Variants in RGS12 observed in about 807,000 individuals in gnomAD.
The protein encoded by RGS12 is regulator of G protein signaling 12.
Under a neutral mutation model 120.1 loss-of-function variants are expected in RGS12, and 66 were observed. The ratio of observed to expected loss-of-function variants is 0.55; its 90% CI spans 0.45 to 0.67. The LOEUF is 0.67. Among genes scored for constraint, RGS12 ranks in the 30% least tolerant of loss-of-function variants. RGS12 has a pLI of 0.00. For missense variants in RGS12, 1,859 were observed against 1,957.7 expected, an observed-to-expected ratio of 0.95 and a Z score of 0.95; for synonymous variants, 827 against 804.7, an observed-to-expected ratio of 1.03 and a Z score of -0.47.
intron 1 of RGS12, among the ~76,000 whole-genome samples, chr4:3,309,139 G>T (rs1309684279): frequency 1.4e-5 from 1 of 73,048 alleles, no homozygotes; most frequent in Non-Finnish European, 2.7e-5. Context: ...CTCGGGAATG[G>T]CAGGTGTCTG....
In RGS12 at chr4:3,340,756, G is replaced by T. The variant is rs77485138; in HGVS notation, c.1882-2181G>T. On this transcript the variant is annotated intron_variant, in intron 2 of 17. Coordinates refer to ENST00000336727, the MANE Select transcript of RGS12 (RefSeq NM_001394154.1). Reference sequence around the variant, plus strand: ...AGCCCCATGGGAGCAGCAGGCAGGTGCAGGCAGGTGCAGGCCGGTGCAGGC... The same window carrying T: ...AGCCCCATGGGAGCAGCAGGCAGGTTCAGGCAGGTGCAGGCCGGTGCAGGC... Among the ~76,000 whole-genome samples the T allele has an allele frequency of 8.9e-4, 124 of 139,430 alleles. No homozygotes were observed. The East Asian group carries it at 0.025, about 28-fold the overall frequency. The allele number at this position is 139,430 out of a possible 152,430, so 91.5% of individuals were successfully genotyped here. A position where few individuals can be genotyped will look rare whatever the true frequency, so the allele number is the denominator to read the frequency against.
intron 17 of RGS12, among the ~76,000 whole-genome samples, chr4:3,438,638 TG>T (rs1286309683): frequency 6.6e-6 from 1 of 152,088 alleles, no homozygotes; most frequent in Non-Finnish European, 1.5e-5. Context: ...GGGGTCCACG[TG>T]GAGGTCACCA....
intron 1 of RGS12, among the ~76,000 whole-genome samples, chr4:3,295,458 C>T (rs139261130): frequency 2.6e-5 from 4 of 151,918 alleles, no homozygotes; most frequent in Admixed American, 1.3e-4. Flanking sequence ...GTCAGGAGTT[C>T]GAGACCAGCC....
At chr4:3,310,245 G>A (rs11936655) in intron 1 of RGS12, among the ~76,000 whole-genome samples, 107 of 119,140 alleles carry the variant, frequency 9.0e-4, no homozygotes, top group African/African-American at 3.3e-3. Context: ...GCTGGGACCC[G>A]GGAAATGGCA....
Position 3,317,519 on chromosome 4 carries a change from A to G in RGS12, c.1349A>G (p.His450Arg). ...VVDLGGSSSR[H>R]GPGGSAWDGV... ...GACCTGGGTGGGAGCTCGAGCAGAC[A>G]CGGCCCCGGAGGCAGCGCGTGGGAC... is the stretch of plus-strand genomic sequence containing the variant. The change falls in exon 2 of 18, where the codon CAC becomes CGC. Residue 450 changes from histidine (H) to arginine (R), a missense_variant. By Grantham distance (29) the His-to-Arg change is conservative. Around this residue, in one of 3 missense-constraint regions of RGS12, gnomAD observed 967 missense variants for 994.2 expected, o/e 0.97. Coordinates refer to ENST00000336727, the MANE Select transcript of RGS12 (RefSeq NM_001394154.1). 2 of 1,612,266 alleles carry G rather than the reference A, an allele frequency of 1.2e-6. No individual in the cohort carries two copies. Among genetic ancestry groups the G allele is most frequent in the Non-Finnish European group, 1.7e-6 (2 of 1,179,944 alleles).
chr4:3,388,195 A>AGAGGAGGAGACGGGAGG (rs6148279), intron 4 of RGS12, among the ~76,000 whole-genome samples: 25 of 150,058 alleles, frequency 1.7e-4, no homozygotes, highest in Non-Finnish European at 2.4e-4. Context: ...CCCCAGTCAC[A>AGAGGAGGAGACGGGAGG]GAGGAGGAGA....
intron 4 of RGS12, among the ~76,000 whole-genome samples, chr4:3,410,149 T>C (rs1388370524): frequency 2.6e-5 from 4 of 152,250 alleles, no homozygotes; most frequent in African/African-American, 9.6e-5. Flanking sequence ...TTCATGAGGA[T>C]TGCCTCATTT....
chr4:3,384,129 A>G (rs1718559752), intron 3 of RGS12, among the ~76,000 whole-genome samples: 2 of 152,134 alleles, frequency 1.3e-5, no homozygotes, highest in African/African-American at 4.8e-5. Flanking sequence ...TTCTTCTCAT[A>G]ATCTCAAAGG....
intron 2 of RGS12, among the ~76,000 whole-genome samples, chr4:3,331,584 A>T (rs1229076891): frequency 6.6e-6 from 1 of 152,182 alleles, no homozygotes; most frequent in Non-Finnish European, 1.5e-5. Flanking sequence ...CTTTTCCAGT[A>T]CAATGAGAGG....
At chr4:3,409,875 C>T (rs1721549111) in intron 4 of RGS12, among the ~76,000 whole-genome samples, 1 of 152,214 alleles carries the variant, frequency 6.6e-6, no homozygotes, top group Non-Finnish European at 1.5e-5. Flanking sequence ...CTCGCCTAGG[C>T]AGCCTCCAGG....
chr4:3,343,740 T>A (rs1713501360), intron 3 of RGS12, among the ~76,000 whole-genome samples: 1 of 152,038 alleles, frequency 6.6e-6, no homozygotes, highest in South Asian at 2.1e-4. Context: ...AAATCCTCTA[T>A]GCCCCACCTG....
At chr4:3,290,737 C>T (rs963412556), upstream of RGS12, among the ~76,000 whole-genome samples, 1 of 152,260 alleles carries the variant, frequency 6.6e-6, no homozygotes, top group Non-Finnish European at 1.5e-5. Context: ...CAGAGGCCGC[C>T]CTGCCAGTCT....
intron 3 of RGS12, among the ~76,000 whole-genome samples, chr4:3,376,521 T>C (rs1717715878): frequency 6.6e-6 from 1 of 152,094 alleles, no homozygotes; most frequent in Admixed American, 6.5e-5. Flanking sequence ...ACACGTGCCC[T>C]CCAAGACCCT....
chr4:3,310,751 G>A (rs1462899931), intron 1 of RGS12, among the ~76,000 whole-genome samples: 1 of 152,112 alleles, frequency 6.6e-6, no homozygotes, highest in African/African-American at 2.4e-5. Flanking sequence ...GGGGGAGGCT[G>A]CTGGGACATG....
chr4:3,427,926 G>A (rs1723829882), intron 14 of RGS12, among the ~76,000 whole-genome samples, 164 bp from the exon 15 acceptor site: 1 of 152,176 alleles, frequency 6.6e-6, no homozygotes, highest in Non-Finnish European at 1.5e-5. Context: ...CCTCTCTCCT[G>A]TCCCATGGGG....
chr4:3,418,427 C>G (rs1722643082), intron 9 of RGS12: 1 of 152,298 alleles, frequency 6.6e-6, no homozygotes, highest in African/African-American at 2.4e-5. Flanking sequence ...TGCCTGAAGG[C>G]AGGGGACTGG....
Position 3,317,576 on chromosome 4 carries a change from G to A in RGS12, c.1406G>A (p.Gly469Asp), listed in dbSNP as rs1317218830. Reference sequence around the variant, plus strand: ...GGTGGGAGGGGTGCCCAGCCCTGGGGTGCTCCCTGGACTGGGCCCTTCTGT... The same window carrying A: ...GGTGGGAGGGGTGCCCAGCCCTGGGATGCTCCCTGGACTGGGCCCTTCTGT... ...GVGGRGAQPWGAPWTGPFCPD... is the reference protein window; with the variant it reads ...GVGGRGAQPWDAPWTGPFCPD... Residue 469 changes from glycine to aspartate, a missense_variant, in exon 2 of 18, where the codon GGT becomes GAT. By Grantham distance (94) the Gly-to-Asp change is moderately conservative. Coordinates refer to ENST00000336727, the MANE Select transcript of RGS12 (RefSeq NM_001394154.1). 6.2e-7 allele frequency: 1 copy of A among 1,602,930 alleles called. No individual in the cohort carries two copies. The highest frequency in any genetic ancestry group is 8.5e-7 in the Non-Finnish European group (1 of 1,175,448).
chr4:3,362,279 T>G (rs1715645670), intron 3 of RGS12, among the ~76,000 whole-genome samples: 1 of 152,110 alleles, frequency 6.6e-6, no homozygotes, highest in Non-Finnish European at 1.5e-5. Flanking sequence ...AGTGCCAGGT[T>G]GAGGGGCACA....
intron 1 of RGS12, among the ~76,000 whole-genome samples, chr4:3,301,051 G>T (rs1196851608): frequency 6.6e-6 from 1 of 152,078 alleles, no homozygotes; most frequent in East Asian, 1.9e-4. Flanking sequence ...TGTAACACGG[G>T]GTCTGTCCCC....
Sources: gnomAD v4.1 joint callset for allele counts (sites outside exome capture counted in the v4.1 genomes callset) on GRCh38, gnomAD v4.1.1 for gene constraint, gnomAD v4.1.1 regional missense constraint, MANE v1.5 for transcripts, NCBI Gene and HGNC (gene_info 2026-07-23, HGNC 2026-07-21) for gene names.